The following PSMB2 variants were observed in gnomAD, a reference collection of about 807,000 sequenced individuals.
PSMB2 encodes proteasome subunit beta type-2.
A neutral mutation model predicts 25.7 loss-of-function variants in PSMB2; 13 were observed. The observed-to-expected ratio is 0.51, with a 90% confidence interval of 0.33 to 0.80. The LOEUF (loss-of-function observed/expected upper bound fraction) is 0.80, where lower values mean the gene tolerates loss of function less well. Among genes scored for constraint, PSMB2 ranks in the 30% least tolerant of loss-of-function variants. The probability of loss-of-function intolerance (pLI) is 0.02; values close to 1 mark genes in which losing one functional copy is unlikely to be tolerated. For synonymous variants in PSMB2, 87 were observed against 96.2 expected, an observed-to-expected ratio of 0.90 and a Z score of 0.56; for missense variants, 202 against 259.0, an observed-to-expected ratio of 0.78 and a Z score of 1.51.
At chr1:35,635,366 C>T (rs934867047) in intron 2 of PSMB2, among the ~76,000 whole-genome samples, 1 of 151,924 alleles carries the variant, frequency 6.6e-6, no homozygotes, top group African/African-American at 2.4e-5. Flanking sequence ...CTTGTCCTCC[C>T]CAATTGCTGG....
intron 3 of PSMB2, among the ~76,000 whole-genome samples, chr1:35,612,483 C>T (rs1478109994): frequency 6.6e-6 from 1 of 152,138 alleles, no homozygotes; most frequent in East Asian, 1.9e-4. Context: ...AACAACAAAC[C>T]TGCTTAAATT....
Position 35,631,236 on chromosome 1 carries a change from T to A in PSMB2, c.285+38A>T, listed in dbSNP as rs774648362. 6 of 1,589,844 alleles carry A rather than the reference T, an allele frequency of 3.8e-6. No homozygotes were observed. The South Asian group carries it at 6.6e-5, about 18-fold the overall frequency. On this transcript the variant is annotated intron_variant, in intron 3 of 5. Transcript: ENST00000373237. Reference sequence around the variant, plus strand: ...GAATATAAAAGAAGCACAAAGGATTTTTCTGCTCTATCTAACAATGTCTGA... The same window carrying A: ...GAATATAAAAGAAGCACAAAGGATTATTCTGCTCTATCTAACAATGTCTGA...
rs1043959739 is a variant in PSMB2 at position 35,608,317 on chromosome 1, A to G, written c.448+929T>C. 2.0e-5 allele frequency among the ~76,000 whole-genome samples: 3 copies of G among 152,012 alleles called. No individual in the cohort carries two copies. The South Asian group carries it at 6.2e-4, about 32-fold the overall frequency. On this transcript the variant is annotated intron_variant, in intron 4 of 5. Transcript: ENST00000373237. The stretch of plus-strand genomic sequence containing the variant: ...GAGGCGGAGGTTGCTGTGAGCCGAG[A>G]TCACTCCACTGCACTCCAGCCTGGG...
intron 4 of PSMB2, among the ~76,000 whole-genome samples, chr1:35,606,139 A>G (rs1417556235): frequency 6.6e-6 from 1 of 152,224 alleles, no homozygotes; most frequent in Non-Finnish European, 1.5e-5. Context: ...AGTCGAGGTT[A>G]GGACTGGGGT....
chr1:35,609,098 G>T, intron 4 of PSMB2, 148 bp downstream of exon 4: 2 of 720,234 alleles, frequency 2.8e-6, no homozygotes, highest in Non-Finnish European at 4.1e-6. Flanking sequence ...TGACAGAAGA[G>T]TGCAGCTTCC....
chr1:35,605,706 G>A (rs767964480), intron 4 of PSMB2, among the ~76,000 whole-genome samples: 4 of 152,184 alleles, frequency 2.6e-5, no homozygotes, highest in Non-Finnish European at 5.9e-5. Flanking sequence ...TTTCAGCCTT[G>A]TTTTCCCAGC....
chr1:35,635,087 C>T (rs1651207636), intron 2 of PSMB2, among the ~76,000 whole-genome samples: 1 of 151,832 alleles, frequency 6.6e-6, no homozygotes, highest in African/African-American at 2.4e-5. Flanking sequence ...TGGAGAAACC[C>T]TGTCTCTACT....
rs566074162 is a variant in PSMB2 at position 35,636,392 on chromosome 1, G to A, written c.132C>T (p.Leu44=). ...TGTCTCCAGCCTCTCCAACACACAGGAGTAATATCTTTTCACTCATCTTAA... is the reference window on the plus strand; with the variant it reads ...TGTCTCCAGCCTCTCCAACACACAGAAGTAATATCTTTTCACTCATCTTAA... The part of the protein sequence containing the change: ...KMFKMSEKIL[L]LCVGEAGDTV... Residue 44 remains leucine, a synonymous_variant, in exon 2 of 6, where the codon CTC becomes CTT. Transcript: ENST00000373237. 52 of 1,613,934 alleles carry A rather than the reference G, an allele frequency of 3.2e-5. No homozygotes were observed. The South Asian group carries it at 5.7e-4, about 18-fold the overall frequency.
intron 2 of PSMB2, 170 bp from the exon 3 acceptor site, chr1:35,631,514 G>A (rs1651097029): frequency 7.0e-7 from 1 of 1,428,792 alleles, no homozygotes; most frequent in Non-Finnish European, 9.2e-7. Context: ...TCATGCAACA[G>A]CTATGAAATA....
chr1:35,631,784 G>A (rs372411869), intron 2 of PSMB2, among the ~76,000 whole-genome samples: 22 of 152,314 alleles, frequency 1.4e-4, no homozygotes, highest in East Asian at 1.2e-3. Context: ...GCTTTGGGAA[G>A]CCAAGGTGGG....
intron 1 of PSMB2, among the ~76,000 whole-genome samples, chr1:35,638,381 T>G (rs1053970447): frequency 6.6e-6 from 1 of 152,210 alleles, no homozygotes; most frequent in Non-Finnish European, 1.5e-5. Flanking sequence ...CATGTCATAC[T>G]GTGGAAAACC....
chr1:35,615,571 A>G (rs1650470213), intron 3 of PSMB2, among the ~76,000 whole-genome samples: 1 of 152,262 alleles, frequency 6.6e-6, no homozygotes, highest in Non-Finnish European at 1.5e-5. Context: ...AAAATCAGCG[A>G]CAAGAGTCTG....
intron 1 of PSMB2, 138 bp downstream of exon 1, chr1:35,641,204 A>C: frequency 8.9e-7 from 1 of 1,126,130 alleles, no homozygotes; most frequent in Non-Finnish European, 1.2e-6. Flanking sequence ...AAATAAATAA[A>C]TAAATAAAAT....
intron 5 of PSMB2, 78 bp from the exon 6 acceptor site, chr1:35,603,452 G>C: frequency 6.6e-7 from 1 of 1,508,120 alleles, no homozygotes; most frequent in Admixed American, 2.1e-5. Flanking sequence ...TAGACACTGG[G>C]GATACAAGCA....
intron 4 of PSMB2, among the ~76,000 whole-genome samples, chr1:35,605,646 C>G (rs1650143974): frequency 6.6e-6 from 1 of 152,212 alleles, no homozygotes; most frequent in Non-Finnish European, 1.5e-5. Context: ...GAATCAATTC[C>G]ATCTGCCCCA....
intron 3 of PSMB2, among the ~76,000 whole-genome samples, chr1:35,611,838 G>A (rs1273395885): frequency 6.1e-5 from 9 of 148,752 alleles, no homozygotes; most frequent in African/African-American, 2.2e-4. Context: ...AAAAAAAAAA[G>A]GAGAGAGAGA....
chr1:35,638,259 T>C (rs1651299785), intron 1 of PSMB2, among the ~76,000 whole-genome samples: 1 of 152,160 alleles, frequency 6.6e-6, no homozygotes, highest in African/African-American at 2.4e-5. Flanking sequence ...TAGAGACCCC[T>C]GAGTTGTACA....
intron 5 of PSMB2, among the ~76,000 whole-genome samples, chr1:35,603,847 C>T (rs1221701815): frequency 2.0e-5 from 3 of 151,992 alleles, no homozygotes; most frequent in African/African-American, 7.3e-5. Context: ...CAAGACCAGC[C>T]TAGGTAACAT....
At chr1:35,628,538 G>A (rs1557456045) in intron 3 of PSMB2, among the ~76,000 whole-genome samples, 1 of 131,212 alleles carries the variant, frequency 7.6e-6, no homozygotes, top group African/African-American at 2.9e-5. Context: ...TCAAGGAGGA[G>A]TGAAGAAAAG....
Sources: allele counts gnomAD v4.1 joint callset (sites outside exome capture counted in the v4.1 genomes callset), GRCh38; gene constraint gnomAD v4.1.1; transcripts MANE v1.5; gene names NCBI Gene and HGNC (gene_info 2026-07-23, HGNC 2026-07-21).